COL4A4: variants seen among roughly 807,000 people sequenced by gnomAD.
COL4A4 encodes collagen alpha-4(IV) chain.
Under a neutral mutation model 192.9 loss-of-function variants are expected in COL4A4, and 105 were observed. That is an observed-to-expected ratio of 0.54 (90% CI 0.46 to 0.64). COL4A4 has a LOEUF of 0.64. Ranked by LOEUF, COL4A4 falls within the 30% of genes least tolerant of loss-of-function variation. COL4A4 has a pLI of 0.00. For missense variants in COL4A4, 1,967 were observed against 2,169.3 expected (o/e 0.91, Z 1.85); for synonymous variants, 762 against 769.9 (o/e 0.99, Z 0.17).
chr2:227,061,881 T>TA (rs747037687), intron 26 of COL4A4, among the ~76,000 whole-genome samples: 1 of 152,144 alleles, frequency 6.6e-6, no homozygotes, highest in Non-Finnish European at 1.5e-5. Context: ...AAGTAAAACT[T>TA]ACAATCAATA....
At chr2:227,088,561 C>T in intron 22 of COL4A4, 92 bp downstream of exon 22, 1 of 1,488,722 alleles carries the variant, frequency 6.7e-7, no homozygotes, top group South Asian at 1.1e-5. Flanking sequence ...TAATAAATTA[C>T]CTAGTCTTGG....
intron 33 of COL4A4, 33 bp downstream of exon 33, chr2:227,050,944 T>G (rs1466174681): frequency 7.4e-6 from 12 of 1,613,584 alleles, no homozygotes; most frequent in Non-Finnish European, 1.0e-5. Flanking sequence ...AAGGTTTTAT[T>G]GTCTCTTCCC....
intron 3 of COL4A4, among the ~76,000 whole-genome samples, chr2:227,143,149 A>G (rs145295924): frequency 6.2e-4 from 95 of 152,300 alleles, no homozygotes; most frequent in African/African-American, 2.2e-3. Flanking sequence ...TTTTCACATA[A>G]TTGAAAGTCT....
intron 20 of COL4A4, among the ~76,000 whole-genome samples, chr2:227,090,975 C>T (rs191305880): frequency 4.9e-4 from 73 of 149,848 alleles, no homozygotes; most frequent in Non-Finnish European, 8.9e-4. Context: ...AGAATCTGTA[C>T]CTCTGGAATA....
rs1195937907 is a variant in COL4A4, at chr2:227,121,046, G to A, written c.295C>T (p.Pro99Ser). 6.2e-7 allele frequency: 1 copy of A among 1,614,102 alleles called. No individual in the cohort carries two copies. The highest frequency in any genetic ancestry group is 8.5e-7 in the Non-Finnish European group (1 of 1,180,020). The stretch of plus-strand genomic sequence containing the variant: ...CCTTTGTCCCCTGCTGCTCCAGGAG[G>A]GCCGCGGTCCCCTCTCATTCCTTTC... Reference protein sequence around the residue: ...GEKGMRGDRGPPGAAGDKGDK... With the variant: ...GEKGMRGDRGSPGAAGDKGDK... The change falls in exon 5 of 48, where the codon CCT (proline) becomes TCT (serine). Residue 99 changes from proline (P) to serine (S), a missense_variant. Physicochemically the swap from Pro to Ser is moderately conservative, Grantham distance 74. Transcript: ENST00000396625.
chr2:227,098,685 C>T lies in COL4A4; in HGVS notation c.1204+9G>A, dbSNP rs2060338704. On this transcript the variant is annotated intron_variant, in intron 19 of 47. Coordinates refer to ENST00000396625, the MANE Select transcript of COL4A4 (RefSeq NM_000092.5). ...CTGTAAAAGCCAGGGCACATCAGGG[C>T]ATCCGTACCTGCACAGGCTTCCCCT... The T allele has an allele frequency of 1.9e-6, 3 of 1,610,046 alleles. No homozygotes were observed. The highest frequency in any genetic ancestry group is 1.7e-6 in the Non-Finnish European group (2 of 1,176,360).
chr2:226,994,707 G>T, the COL4A4 span, among the ~76,000 whole-genome samples: 1 of 152,130 alleles, frequency 6.6e-6, no homozygotes, highest in Non-Finnish European at 1.5e-5. Flanking sequence ...CAAGGACTAT[G>T]TATTTTTCTC....
intron 7 of COL4A4, among the ~76,000 whole-genome samples, chr2:227,115,860 C>A (rs1576625585): frequency 1.3e-5 from 2 of 152,272 alleles, no homozygotes; most frequent in East Asian, 3.9e-4. Flanking sequence ...TCTCCAACAA[C>A]ATGGTTCAAA....
chr2:226,981,693 A>G, the COL4A4 span, among the ~76,000 whole-genome samples: 1 of 152,224 alleles, frequency 6.6e-6, no homozygotes, highest in Non-Finnish European at 1.5e-5. Context: ...GTTAAATGCC[A>G]TCAAATACAG....
intron 25 of COL4A4, among the ~76,000 whole-genome samples, chr2:227,065,935 G>A (rs2058309516): frequency 6.6e-6 from 1 of 152,178 alleles, no homozygotes; most frequent in South Asian, 2.1e-4. Context: ...CCGAGCTACG[G>A]GGGAACATTC....
intron 36 of COL4A4, 96 bp from the exon 37 acceptor site, chr2:227,042,351 G>C: frequency 1.4e-6 from 1 of 735,372 alleles, no homozygotes; most frequent in Non-Finnish European, 2.5e-6. Flanking sequence ...GGGTAACGGA[G>C]AACACTGTCT....
intron 2 of COL4A4, among the ~76,000 whole-genome samples, chr2:227,146,257 G>A (rs1484100516): frequency 1.3e-5 from 2 of 151,288 alleles, no homozygotes; most frequent in Non-Finnish European, 2.9e-5. Context: ...TTCTGCCACT[G>A]TAGATATTAA....
chr2:227,053,384 C>T (rs1340156502), intron 31 of COL4A4, among the ~76,000 whole-genome samples: 1 of 152,044 alleles, frequency 6.6e-6, no homozygotes, highest in East Asian at 1.9e-4. Flanking sequence ...AATTGTCAAG[C>T]ATTTTTTCTC....
intron 4 of COL4A4, among the ~76,000 whole-genome samples, chr2:227,124,082 T>A (rs1036947340): frequency 6.6e-6 from 1 of 152,186 alleles, no homozygotes; most frequent in East Asian, 1.9e-4. Flanking sequence ...AAATGGATAA[T>A]TGTTAAAGGA....
intron 43 of COL4A4, among the ~76,000 whole-genome samples, chr2:227,023,055 G>C (rs1966326508): frequency 1.3e-5 from 2 of 152,132 alleles, no homozygotes; most frequent in Non-Finnish European, 2.9e-5. Flanking sequence ...TTAGAAACCA[G>C]AGTTCCTGAG....
rs1385235884 is a variant in COL4A4, at chr2:227,022,114, C to T, written c.4150G>A (p.Ala1384Thr). Residue 1384 changes from alanine (A) to threonine (T), a missense_variant, in exon 44 of 48, where the codon GCG (alanine) becomes ACG (threonine). Physicochemically the swap from Ala to Thr is moderately conservative, Grantham distance 58 (BLOSUM62 0). Coordinates refer to ENST00000396625, the MANE Select transcript of COL4A4 (RefSeq NM_000092.5). The part of the protein sequence containing the change: ...DCPRIPGLPG[A>T]PGMRGPEGAM... ...CCTTCTGGTCCTCTCATGCCTGGCG[C>T]CCCAGGAAGGCCTGGGATTCGGGGA... 1.2e-6 allele frequency: 2 copies of T among 1,613,954 alleles called. No individual in the cohort carries two copies. The highest frequency in any genetic ancestry group is 1.3e-5 in the African/African-American group (1 of 74,912).
downstream of COL4A4, among the ~76,000 whole-genome samples, chr2:227,002,458 A>G (rs887972328): frequency 2.0e-5 from 3 of 152,224 alleles, no homozygotes; most frequent in Admixed American, 6.5e-5. Context: ...CCCACTGACC[A>G]CTGCCCAAGC....
intron 4 of COL4A4, among the ~76,000 whole-genome samples, chr2:227,136,771 C>T (rs1292449143): frequency 6.6e-6 from 1 of 152,188 alleles, no homozygotes; most frequent in Non-Finnish European, 1.5e-5. Flanking sequence ...ACTGCTACTA[C>T]GGGCATTAAC....
chr2:227,059,575 G>T lies in COL4A4; in HGVS notation c.2213C>A (p.Ser738Tyr), dbSNP rs1162166664. The T allele has an allele frequency of 1.2e-6, 2 of 1,613,914 alleles. No homozygotes were observed. The highest frequency in any genetic ancestry group is 2.7e-5 in the African/African-American group (2 of 74,890). ...AGGGCCTGGGGGCCCAACAGGGGAG[G>T]ACCCCTTTTCACCTCCAAAACCCGG... ...GDPGFGGEKG[S>Y]SPVGPPGPPG... The change falls in exon 28 of 48, where the codon TCC becomes TAC. Residue 738 changes from serine to tyrosine, a missense_variant. Ser to Tyr is a moderately radical substitution (Grantham distance 144). Transcript: ENST00000396625.
Sources: gnomAD v4.1 joint callset for allele counts (sites outside exome capture counted in the v4.1 genomes callset) on GRCh38, gnomAD v4.1.1 for gene constraint, MANE v1.5 for transcripts, NCBI Gene and HGNC (gene_info 2026-07-23, HGNC 2026-07-21) for gene names.